Variants in SAMTOR observed in about 807,000 individuals in gnomAD.
The protein encoded by SAMTOR is UPF0532 protein C7orf60.
At chr7:112,891,164 T>C in the SAMTOR span, among the ~76,000 whole-genome samples, 2 of 152,216 alleles carry the variant, frequency 1.3e-5, no homozygotes, top group Non-Finnish European at 2.9e-5. Context: ...AGTATAACTA[T>C]ATAATTTCTT....
At chr7:112,849,385 T>C in the SAMTOR span, among the ~76,000 whole-genome samples, 1 of 152,174 alleles carries the variant, frequency 6.6e-6, no homozygotes, top group African/African-American at 2.4e-5. Context: ...TTACCTACAC[T>C]TTACTAGTAT....
the SAMTOR span, chr7:112,939,461 G>A: frequency 4.9e-6 from 7 of 1,417,236 alleles, no homozygotes; most frequent in African/African-American, 7.1e-5. Context: ...GCCCGGGAGA[G>A]CAGCAGCGGC....
chr7:112,939,383 C>T, the SAMTOR span: 1 of 701,938 alleles, frequency 1.4e-6, no homozygotes, highest in South Asian at 1.9e-5. Flanking sequence ...AGAACTCTCC[C>T]GAAGGGCCCT....
At chr7:112,868,074 C>G in the SAMTOR span, among the ~76,000 whole-genome samples, 1 of 152,178 alleles carries the variant, frequency 6.6e-6, no homozygotes, top group Admixed American at 6.5e-5. Flanking sequence ...CATTCCGAAA[C>G]CACCCTTCAC....
the SAMTOR span, among the ~76,000 whole-genome samples, chr7:112,858,172 G>C: frequency 6.6e-6 from 1 of 152,006 alleles, no homozygotes; most frequent in South Asian, 2.1e-4. Flanking sequence ...AATACTATTA[G>C]TGGCAACCTT....
At chr7:112,905,895 A>G in the SAMTOR span, among the ~76,000 whole-genome samples, 1 of 152,206 alleles carries the variant, frequency 6.6e-6, no homozygotes, top group African/African-American at 2.4e-5. Context: ...AGAGAAAAAG[A>G]TTTAGTCAAA....
the SAMTOR span, among the ~76,000 whole-genome samples, chr7:112,917,731 A>C: frequency 2.0e-5 from 3 of 152,178 alleles, no homozygotes; most frequent in African/African-American, 7.2e-5. Context: ...AACTAGAATA[A>C]CCAATACAGA....
the SAMTOR span, among the ~76,000 whole-genome samples, chr7:112,825,838 TCC>T: frequency 6.6e-6 from 1 of 151,808 alleles, no homozygotes; most frequent in Non-Finnish European, 1.5e-5. Flanking sequence ...TTCAAGAAAT[TCC>T]CTTAAATTCT....
At chr7:112,921,341 T>C in the SAMTOR span, among the ~76,000 whole-genome samples, 2 of 151,762 alleles carry the variant, frequency 1.3e-5, no homozygotes, top group African/African-American at 2.4e-5. Flanking sequence ...AAACAAGCAA[T>C]GGGGAAAGGA....
chr7:112,844,669 G>C, the SAMTOR span, among the ~76,000 whole-genome samples: 1 of 152,060 alleles, frequency 6.6e-6, no homozygotes, highest in Non-Finnish European at 1.5e-5. Context: ...TGGCCATATT[G>C]CCCAAAGCAA....
chr7:112,851,147 G>T, the SAMTOR span, among the ~76,000 whole-genome samples: 3 of 152,062 alleles, frequency 2.0e-5, no homozygotes, highest in African/African-American at 7.2e-5. Context: ...TGACTATACA[G>T]CCCAAAGCAA....
At chr7:112,868,130 C>A in the SAMTOR span, among the ~76,000 whole-genome samples, 3 of 152,156 alleles carry the variant, frequency 2.0e-5, no homozygotes, top group Non-Finnish European at 4.4e-5. Context: ...GTCTCTGGTG[C>A]CAAAAGGGTT....
chr7:112,823,485 G>T, the SAMTOR span, among the ~76,000 whole-genome samples: 2 of 152,012 alleles, frequency 1.3e-5, no homozygotes, highest in Non-Finnish European at 1.5e-5. Flanking sequence ...TTTCTTGCAG[G>T]TATTAATAGT....
the SAMTOR span, among the ~76,000 whole-genome samples, chr7:112,855,831 G>T: frequency 1.3e-5 from 2 of 151,872 alleles, no homozygotes; most frequent in Non-Finnish European, 2.9e-5. Context: ...GCATTTGACT[G>T]AATTAACAAG....
the SAMTOR span, among the ~76,000 whole-genome samples, chr7:112,907,913 G>A: frequency 6.6e-6 from 1 of 151,302 alleles, no homozygotes; most frequent in Non-Finnish European, 1.5e-5. Context: ...CCTCTACACA[G>A]GGCAATTTGG....
At chr7:112,890,902 C>A in the SAMTOR span, among the ~76,000 whole-genome samples, 1 of 152,026 alleles carries the variant, frequency 6.6e-6, no homozygotes, top group African/African-American at 2.4e-5. Context: ...GTTGTCCAGG[C>A]TGGTCCTGAA....
At chr7:112,841,149 T>C in the SAMTOR span, among the ~76,000 whole-genome samples, 2 of 151,992 alleles carry the variant, frequency 1.3e-5, no homozygotes, top group Non-Finnish European at 2.9e-5. Context: ...AATTGTCTCT[T>C]TGCAGATGAC....
the SAMTOR span, chr7:112,832,700 C>T: frequency 1.5e-6 from 2 of 1,375,980 alleles, no homozygotes; most frequent in Non-Finnish European, 2.1e-6. Flanking sequence ...TTTATAAGAA[C>T]AAAATCAAAT....
At chr7:112,868,757 A>G in the SAMTOR span, among the ~76,000 whole-genome samples, 2 of 152,222 alleles carry the variant, frequency 1.3e-5, no homozygotes, top group African/African-American at 4.8e-5. Flanking sequence ...CCACAGCCAG[A>G]ATCAGGCAGT....
Sources: allele counts gnomAD v4.1 joint callset (sites outside exome capture counted in the v4.1 genomes callset), GRCh38; gene constraint gnomAD v4.1.1; transcripts MANE v1.5; gene names NCBI Gene and HGNC (gene_info 2026-07-23, HGNC 2026-07-21).